RBFOX1: variants seen among roughly 807,000 people sequenced by gnomAD.
The protein encoded by RBFOX1 is RNA binding fox-1 homolog 1.
A neutral mutation model predicts 57.7 loss-of-function variants in RBFOX1; 8 were observed. The observed-to-expected ratio is 0.14, with a 90% CI of 0.08 to 0.25. RBFOX1 has a LOEUF of 0.25. Ranked by LOEUF, RBFOX1 falls within the 10% of genes least tolerant of loss-of-function variation. The pLI, the probability that RBFOX1 is intolerant of heterozygous loss-of-function variation, is 1.00. For synonymous variants in RBFOX1, 326 were observed against 222.4 expected, an observed-to-expected ratio of 1.47 and a Z score of -4.15; for missense variants, 611 against 548.5, an observed-to-expected ratio of 1.11 and a Z score of -1.14.
intron 5 of RBFOX1, among the ~76,000 whole-genome samples, chr16:7,522,283 A>G (rs1359292384): frequency 6.6e-6 from 1 of 152,200 alleles, no homozygotes; most frequent in Non-Finnish European, 1.5e-5. Context: ...GTGAAGAGAA[A>G]GACAAGGACA....
intron 2 of RBFOX1, among the ~76,000 whole-genome samples, chr16:6,408,948 TACC>T: frequency 6.6e-6 from 1 of 152,328 alleles, no homozygotes; most frequent in South Asian, 2.1e-4. Context: ...GGTGTCGTTT[TACC>T]ACCCCTTCTG....
At position 6,019,664 on chromosome 16, in the gene RBFOX1, G is replaced by A; in HGVS notation, c.-455G>A. The A allele has an allele frequency of 1.5e-6, 2 of 1,301,886 alleles. No homozygotes were observed. The highest frequency in any genetic ancestry group is 2.0e-6 in the Non-Finnish European group (2 of 1,025,032). 80.6% of individuals were successfully genotyped at this position (1,301,886 alleles called of 1,614,324 possible). On this transcript the variant is annotated 5_prime_UTR_variant, in exon 1 of 16. Coordinates refer to ENST00000550418, the MANE Select transcript of RBFOX1 (RefSeq NM_018723.4). The surrounding 1 kb of genome is among the most constrained non-coding windows in gnomAD (Gnocchi z 4.2). ...ACAGCCAGCCGTGGGCCCCGCCCCG[G>A]CGTCCGGAGCAGGAGAACTCCGAGC...
At chr16:7,540,959 T>G (rs1403710363) in intron 5 of RBFOX1, among the ~76,000 whole-genome samples, 1 of 152,164 alleles carries the variant, frequency 6.6e-6, no homozygotes, top group African/African-American at 2.4e-5. Flanking sequence ...ATGACCCTGG[T>G]TAATTCAGTG....
chr16:6,413,319 CAAAA>C (rs34475437), intron 2 of RBFOX1, among the ~76,000 whole-genome samples: 96 of 114,342 alleles, frequency 8.4e-4, no homozygotes, highest in African/African-American at 2.6e-3. Flanking sequence ...AACTACATCT[CAAAA>C]AAAAAAAAAA....
chr16:7,643,738 C>G (rs1010008108), intron 11 of RBFOX1, among the ~76,000 whole-genome samples: 1 of 152,200 alleles, frequency 6.6e-6, no homozygotes, highest in Non-Finnish European at 1.5e-5. Flanking sequence ...CCTTTGAACT[C>G]TTACCAGGAA....
chr16:7,322,212 C>G (rs576080846), intron 4 of RBFOX1, among the ~76,000 whole-genome samples: 10 of 152,192 alleles, frequency 6.6e-5, no homozygotes, highest in Non-Finnish European at 1.3e-4. Context: ...AGTTATCGGA[C>G]AAGGGAATGA....
In RBFOX1 at chr16:6,095,653, T is replaced by G. The variant is rs142598445; in HGVS notation, c.-127+75661T>G. Among the ~76,000 whole-genome samples, 56 of 152,146 alleles carry G rather than the reference T, an allele frequency of 3.7e-4. No homozygotes were observed. The East Asian group carries it at 0.01, about 27-fold the overall frequency. On this transcript the variant is annotated intron_variant, in intron 1 of 15. Coordinates refer to ENST00000550418, the MANE Select transcript of RBFOX1 (RefSeq NM_018723.4). ...ACTTGGGAAGCAGCCAGCACCGTGC[T>G]TTTTTACCTCTGATTAGTTCTTCTT...
At chr16:6,830,594 T>C (rs936850285) in intron 3 of RBFOX1, among the ~76,000 whole-genome samples, 2 of 152,140 alleles carry the variant, frequency 1.3e-5, no homozygotes, top group Non-Finnish European at 2.9e-5. Flanking sequence ...GATGTTGACA[T>C]CTAGTTGGTA....
At chr16:6,922,177 G>T (rs778078177) in intron 3 of RBFOX1, among the ~76,000 whole-genome samples, 3 of 152,104 alleles carry the variant, frequency 2.0e-5, no homozygotes, top group African/African-American at 7.2e-5. Flanking sequence ...ATGGATCCTG[G>T]GGGGTAGGTG....
At chr16:6,795,030 T>A (rs1603624963) in intron 3 of RBFOX1, among the ~76,000 whole-genome samples, 1 of 152,196 alleles carries the variant, frequency 6.6e-6, no homozygotes. Flanking sequence ...TCTCTTTTCG[T>A]CATACTGCAC....
At chr16:7,109,624 G>A (rs1226128501) in intron 4 of RBFOX1, among the ~76,000 whole-genome samples, 2 of 152,106 alleles carry the variant, frequency 1.3e-5, no homozygotes, top group African/African-American at 4.8e-5. Flanking sequence ...TTAGGGGAAA[G>A]GGCTCTAAGA....
chr16:5,522,252 G>A (rs1159870132), intron 2 of RBFOX1, among the ~76,000 whole-genome samples: 3 of 152,308 alleles, frequency 2.0e-5, no homozygotes, highest in Middle Eastern at 3.4e-3. Context: ...ACAAGTCCAT[G>A]TACCTCTTTG....
intron 3 of RBFOX1, among the ~76,000 whole-genome samples, chr16:6,962,020 C>G (rs2083127320): frequency 6.6e-6 from 1 of 152,074 alleles, no homozygotes; most frequent in African/African-American, 2.4e-5. Flanking sequence ...CTCATTTTAC[C>G]CAGCCCCTAT....
chr16:6,918,564 T>G (rs1022929399), intron 3 of RBFOX1, among the ~76,000 whole-genome samples: 15 of 152,162 alleles, frequency 9.9e-5, no homozygotes, highest in African/African-American at 3.4e-4. Context: ...GAGGCATCAT[T>G]TAAAGAATAA....
At chr16:7,089,807 A>G (rs775390887) in intron 4 of RBFOX1, among the ~76,000 whole-genome samples, 1 of 152,128 alleles carries the variant, frequency 6.6e-6, no homozygotes, top group Non-Finnish European at 1.5e-5. Context: ...TTAGGGCTAC[A>G]TGGCTTTATT....
chr16:6,878,582 G>A (rs1345879351), intron 3 of RBFOX1, among the ~76,000 whole-genome samples: 1 of 152,182 alleles, frequency 6.6e-6, no homozygotes, highest in East Asian at 1.9e-4. Flanking sequence ...CATCCTGACT[G>A]ACACATGCAG....
intron 1 of RBFOX1, among the ~76,000 whole-genome samples, chr16:6,129,664 CAAG>C (rs1478222817): frequency 5.3e-5 from 7 of 131,346 alleles, no homozygotes; most frequent in Non-Finnish European, 1.1e-4. Flanking sequence ...TTTACAGGTC[CAAG>C]AAGATTAGTA....
Position 5,946,817 on chromosome 16 carries a change from G to C in RBFOX1, c.351+79482G>C, listed in dbSNP as rs1322411020. 6.6e-6 allele frequency among the ~76,000 whole-genome samples: 1 copy of C among 152,214 alleles called. No homozygotes were observed. The highest frequency in any genetic ancestry group is 1.9e-4 in the East Asian group (1 of 5,186). ...TCAGAATTGAACTGTAGGACACCCA[G>C]TTGGTGATGGCAGAGATTTGGAGCA... is the stretch of plus-strand genomic sequence containing the variant. On this transcript the variant is annotated intron_variant, in intron 4 of 19. Transcript: ENST00000641259. The surrounding 1 kb of genome is among the most constrained non-coding windows in gnomAD (Gnocchi z 4.6).
intron 1 of RBFOX1, among the ~76,000 whole-genome samples, chr16:5,265,788 C>T (rs1045587510): frequency 7.9e-5 from 12 of 152,130 alleles, no homozygotes; most frequent in Admixed American, 5.9e-4. Flanking sequence ...GTGCGTTTCT[C>T]CTGTTCGGGG....
Sources: gnomAD v4.1 joint callset for allele counts (sites outside exome capture counted in the v4.1 genomes callset) on GRCh38, gnomAD v4.1.1 for gene constraint, Gnocchi (gnomAD v3.1) non-coding constraint, MANE v1.5 for transcripts, NCBI Gene and HGNC (gene_info 2026-07-23, HGNC 2026-07-21) for gene names.